Variants in APH1B observed in about 807,000 individuals in gnomAD.
APH1B encodes aph-1B gamma-secretase subunit.
Under a neutral mutation model 28.2 loss-of-function variants are expected in APH1B, and 27 were observed. The ratio of observed to expected loss-of-function variants is 0.96; its 90% CI spans 0.70 to 1.32. APH1B has a LOEUF of 1.32. Among genes scored for constraint, APH1B ranks in the 40% most tolerant of loss-of-function variants. The pLI, the probability that APH1B is intolerant of heterozygous loss-of-function variation, is 0.00. For missense variants in APH1B, 305 were observed against 313.6 expected, an observed-to-expected ratio of 0.97 and a Z score of 0.21; for synonymous variants, 141 against 124.6, an observed-to-expected ratio of 1.13 and a Z score of -0.88.
chr15:63,299,755 G>A (rs908498298), intron 4 of APH1B, among the ~76,000 whole-genome samples: 12 of 151,994 alleles, frequency 7.9e-5, no homozygotes, highest in Non-Finnish European at 1.3e-4. Context: ...GAGCATAATT[G>A]TGTCTCAGTG....
At chr15:63,283,557 CTTT>C (rs1227673124) in intron 2 of APH1B, among the ~76,000 whole-genome samples, 1 of 152,162 alleles carries the variant, frequency 6.6e-6, no homozygotes, top group African/African-American at 2.4e-5. Context: ...GATTATTTGT[CTTT>C]TTATTATTGA....
Position 63,305,620 on chromosome 15 carries a change from A to G in APH1B, c.613A>G (p.Ile205Val). 4 of 1,614,116 alleles carry G rather than the reference A, an allele frequency of 2.5e-6. No homozygotes were observed. The highest frequency in any genetic ancestry group is 1.7e-5 in the Admixed American group (1 of 60,018). Residue 205 changes from isoleucine (I) to valine (V), a missense_variant, in exon 6 of 6, where the codon ATA (isoleucine) becomes GTA (valine). By Grantham distance (29) the Ile-to-Val change is conservative. Coordinates refer to ENST00000261879, the MANE Select transcript of APH1B (RefSeq NM_031301.4). The part of the protein sequence containing the change: ...THLLVSAQTF[I>V]SSYYGINLAS... ...ATTTATTTTTCTTTTGCAGACCTTCATAAGTTCTTATTATGGAATAAACCT... is the reference window on the plus strand; with the variant it reads ...ATTTATTTTTCTTTTGCAGACCTTCGTAAGTTCTTATTATGGAATAAACCT...
At position 63,302,460 on chromosome 15, in the gene APH1B, G is replaced by T; in HGVS notation, c.594G>T (p.Leu198=). 3 of 1,613,490 alleles carry T rather than the reference G, an allele frequency of 1.9e-6. No homozygotes were observed. The highest frequency in any genetic ancestry group is 2.5e-6 in the Non-Finnish European group (3 of 1,179,776). Residue 198 remains leucine (L), a synonymous_variant, in exon 5 of 6, where the codon CTG becomes CTT. Coordinates refer to ENST00000261879, the MANE Select transcript of APH1B (RefSeq NM_031301.4). ...TTATCGTTCTCCTGACCCACCTGCT[G>T]GTGTCAGCCCAGGTGAGTGTTGCCG... ...ILLIVLLTHL[L]VSAQTFISSY...
At chr15:63,281,333 T>C (rs2038384823) in intron 2 of APH1B, among the ~76,000 whole-genome samples, 2 of 151,782 alleles carry the variant, frequency 1.3e-5, no homozygotes, top group African/African-American at 2.4e-5. Context: ...TTTGTTCTTT[T>C]TGGTCAGTGG....
chr15:63,283,861 A>T (rs1312793098), intron 2 of APH1B, among the ~76,000 whole-genome samples: 3 of 152,166 alleles, frequency 2.0e-5, no homozygotes, highest in African/African-American at 4.8e-5. Context: ...TTTAGTTTTT[A>T]TATATGGTGT....
At chr15:63,290,960 G>T (rs959125) in intron 4 of APH1B, among the ~76,000 whole-genome samples, 27 of 152,030 alleles carry the variant, frequency 1.8e-4, no homozygotes, top group African/African-American at 6.5e-4. Flanking sequence ...AAAGATGTTC[G>T]AGGCAGAGGG....
chr15:63,285,998 G>C (rs1318844076), intron 2 of APH1B, among the ~76,000 whole-genome samples: 1 of 152,216 alleles, frequency 6.6e-6, no homozygotes, highest in African/African-American at 2.4e-5. Context: ...AATAAGGAGA[G>C]ATTAGTGATT....
intron 4 of APH1B, among the ~76,000 whole-genome samples, chr15:63,300,626 C>T (rs954639769): frequency 1.3e-5 from 2 of 152,216 alleles, no homozygotes; most frequent in Non-Finnish European, 2.9e-5. Context: ...TAAAATACAT[C>T]ACTTTAGCTT....
intron 4 of APH1B, among the ~76,000 whole-genome samples, chr15:63,288,372 T>C (rs940819983): frequency 6.6e-6 from 1 of 152,198 alleles, no homozygotes; most frequent in Non-Finnish European, 1.5e-5. Flanking sequence ...TTTTTAAAAA[T>C]TTCTGCAGTA....
chr15:63,299,473 C>T (rs757659726), intron 4 of APH1B, among the ~76,000 whole-genome samples: 2 of 152,096 alleles, frequency 1.3e-5, no homozygotes, highest in African/African-American at 4.8e-5. Context: ...GGCACTATCT[C>T]GGCTCACTGC....
At chr15:63,287,114 C>A in intron 3 of APH1B, 1 of 282,440 alleles carries the variant, frequency 3.5e-6, no homozygotes, top group Non-Finnish European at 6.6e-6. Context: ...ACTCTGTTAT[C>A]ATAAAGTAAG....
intron 4 of APH1B, among the ~76,000 whole-genome samples, chr15:63,291,007 A>G (rs1175707981): frequency 6.6e-6 from 1 of 151,048 alleles, no homozygotes; most frequent in East Asian, 1.9e-4. Flanking sequence ...AGGTAAGAGC[A>G]GTATTGTTCA....
rs2038712175 is a variant in APH1B at position 63,308,691 on chromosome 15, C to G, written c.*2910C>G. ...TTAGCATTCAGTGTGGGCCCTCAGG[C>G]AGCCCTGAAGCCTGGCTGGGTCATC... On this transcript the variant is annotated 3_prime_UTR_variant, in exon 6 of 6. Coordinates refer to ENST00000261879, the MANE Select transcript of APH1B (RefSeq NM_031301.4). 6.6e-6 allele frequency: 1 copy of G among 152,262 alleles called. No individual in the cohort carries two copies. Among genetic ancestry groups the G allele is most frequent in the African/African-American group, 2.4e-5 (1 of 41,460 alleles). 9.4% of individuals were successfully genotyped at this position (152,262 alleles called of 1,614,324 possible). A position where few individuals can be genotyped will look rare whatever the true frequency, so the allele number is the denominator to read the frequency against.
At chr15:63,294,531 G>A (rs1443765441) in intron 4 of APH1B, among the ~76,000 whole-genome samples, 3 of 152,256 alleles carry the variant, frequency 2.0e-5, no homozygotes, top group Non-Finnish European at 4.4e-5. Context: ...TAAGGTTCAC[G>A]TCAGGGTTCC....
At chr15:63,278,463 T>A (rs1364710075) in intron 1 of APH1B, 1 of 395,238 alleles carries the variant, frequency 2.5e-6, no homozygotes, top group Non-Finnish European at 5.0e-6. Flanking sequence ...ACTAGGCCAA[T>A]GATTCCCGCT....
intron 4 of APH1B, 82 bp from the exon 5 acceptor site, chr15:63,302,263 C>T (rs2038637792): frequency 5.3e-6 from 8 of 1,516,266 alleles, no homozygotes; most frequent in Non-Finnish European, 7.1e-6. Flanking sequence ...TGGTGGACAC[C>T]CCGAGAGCCC....
rs1297148165 is a variant in APH1B, at chr15:63,307,850, CAGATG to C, written c.*2073_*2077del. The C allele has an allele frequency of 6.6e-6, 1 of 152,156 alleles. No homozygotes were observed. The highest frequency in any genetic ancestry group is 2.4e-5 in the African/African-American group (1 of 41,420). 9.4% of individuals were successfully genotyped at this position (152,156 alleles called of 1,614,324 possible). A position where few individuals can be genotyped will look rare whatever the true frequency, so the allele number is the denominator to read the frequency against. ...TTGTAAAATCTCATTTATAAAAACT[CAGATG>C]AGAAGAAAATTTTCTTTGATGGTGA... is the stretch of plus-strand genomic sequence containing the variant. On this transcript the variant is annotated 3_prime_UTR_variant, in exon 6 of 6. Coordinates refer to ENST00000261879, the MANE Select transcript of APH1B (RefSeq NM_031301.4).
chr15:63,279,182 T>A lies in APH1B; in HGVS notation c.135T>A (p.Ser45=). The part of the protein sequence containing the change: ...LIAGAFFWLV[S]LLISSLVWFM... ...TCAGAGCTTTCTTCTGGTTGGTGTC[T>A]CTACTGATTTCGTCCCTTGTTTGGT... Residue 45 remains serine, a synonymous_variant, in exon 2 of 6, where the codon TCT becomes TCA. Transcript: ENST00000261879. 6.2e-7 allele frequency: 1 copy of A among 1,605,388 alleles called. No individual in the cohort carries two copies. Among genetic ancestry groups the A allele is most frequent in the South Asian group, 1.1e-5 (1 of 90,438 alleles).
rs760903132 is a variant in APH1B at position 63,304,046 on chromosome 15, C to T, written c.607-1568C>T. ...CAGTTTACAAGTTGTGGTTCGTCCACCTCCTCACTGCATTCTCTTTATTGT... is the reference window on the plus strand; with the variant it reads ...CAGTTTACAAGTTGTGGTTCGTCCATCTCCTCACTGCATTCTCTTTATTGT... On this transcript the variant is annotated intron_variant, in intron 5 of 5. Coordinates refer to ENST00000261879, the MANE Select transcript of APH1B (RefSeq NM_031301.4). The surrounding 1 kb of genome is among the most constrained non-coding windows in gnomAD (Gnocchi z 5.1). Among the ~76,000 whole-genome samples, 1 of 152,166 alleles carries T rather than the reference C, an allele frequency of 6.6e-6. No individual in the cohort carries two copies. The highest frequency in any genetic ancestry group is 2.4e-5 in the African/African-American group (1 of 41,424).
Sources: allele counts gnomAD v4.1 joint callset (sites outside exome capture counted in the v4.1 genomes callset), GRCh38; gene constraint gnomAD v4.1.1; non-coding constraint Gnocchi (gnomAD v3.1); transcripts MANE v1.5; gene names NCBI Gene and HGNC (gene_info 2026-07-23, HGNC 2026-07-21).